IL12RB2: variants seen among roughly 807,000 people sequenced by gnomAD.
IL12RB2 encodes interleukin-12 receptor subunit beta-2.
IL12RB2 carries 82 observed loss-of-function variants against 89.4 expected under a neutral mutation model. The ratio of observed to expected loss-of-function variants is 0.92; its 90% CI spans 0.77 to 1.10. The LOEUF is 1.10. Among genes scored for constraint, IL12RB2 ranks in the 50% least tolerant of loss-of-function variants. The probability of loss-of-function intolerance (pLI) is 0.00; values close to 1 mark genes in which losing one functional copy is unlikely to be tolerated. For synonymous variants in IL12RB2, 368 were observed against 370.1 expected (o/e 0.99, Z 0.07); for missense variants, 963 against 1,031.9 (o/e 0.93, Z 0.92).
chr1:67,381,070 A>AC (rs931268456), intron 14 of IL12RB2, among the ~76,000 whole-genome samples: 2 of 152,154 alleles, frequency 1.3e-5, no homozygotes, highest in Admixed American at 6.5e-5. Context: ...GGTTATACCT[A>AC]CCCCATCCTA....
chr1:67,353,559 ACT>A (rs1431610001), intron 10 of IL12RB2, among the ~76,000 whole-genome samples: 1 of 152,098 alleles, frequency 6.6e-6, no homozygotes, highest in Non-Finnish European at 1.5e-5. Flanking sequence ...AAAAAGTGAG[ACT>A]CTGTCTCAAA....
intron 4 of IL12RB2, among the ~76,000 whole-genome samples, chr1:67,322,307 A>G (rs1006395751): frequency 1.3e-5 from 2 of 152,086 alleles, no homozygotes; most frequent in African/African-American, 4.8e-5. Context: ...ATCTAACTTA[A>G]TGCCTCCCAA....
At chr1:67,376,643 A>G (rs1664018746) in intron 13 of IL12RB2, among the ~76,000 whole-genome samples, 1 of 152,058 alleles carries the variant, frequency 6.6e-6, no homozygotes, top group Non-Finnish European at 1.5e-5. Context: ...TGCTGACACC[A>G]TCATCTTCCT....
rs770116361 is a variant in IL12RB2, at chr1:67,330,657, A to G, written c.808-3A>G. On this transcript the variant is annotated splice_region_variant and splice_polypyrimidine_tract_variant and intron_variant, in intron 7 of 16. Transcript: ENST00000674203. ...GGCACTTTAAAAAAATGTCTGTTTC[A>G]AGGTTAATGTTACAAAGGCCAAAGG... 1 of 1,468,686 alleles carries G rather than the reference A, an allele frequency of 6.8e-7. No individual in the cohort carries two copies. The highest frequency in any genetic ancestry group is 9.5e-7 in the Non-Finnish European group (1 of 1,047,794). 91.0% of individuals were successfully genotyped at this position (1,468,686 alleles called of 1,614,324 possible). A position where few individuals can be genotyped will look rare whatever the true frequency, so the allele number is the denominator to read the frequency against.
rs1663471116 is a variant in IL12RB2, at chr1:67,372,458, T to C, written c.1482T>C (p.Cys494=). ...CAGAGAACATAAAATCCTACATCTG[T>C]TATGAAATCCGTGTGTATGCACTCT... The part of the protein sequence containing the change: ...LISENIKSYI[C]YEIRVYALSG... The change falls in exon 12 of 17, where the codon TGT becomes TGC. Residue 494 remains cysteine, a synonymous_variant. Coordinates refer to ENST00000674203, the MANE Select transcript of IL12RB2 (RefSeq NM_001374259.2). 2 of 1,585,830 alleles carry C rather than the reference T, an allele frequency of 1.3e-6. No individual in the cohort carries two copies. Among genetic ancestry groups the C allele is most frequent in the South Asian group, 2.2e-5 (2 of 90,524 alleles).
At chr1:67,329,135 G>A (rs1495964) in intron 6 of IL12RB2, among the ~76,000 whole-genome samples, 69,050 of 152,006 alleles carry the variant, frequency 0.45, 19,343 homozygotes, top group South Asian at 0.6. Context: ...TTCATAGACC[G>A]TTCATCTCTA....
At chr1:67,352,492 T>C (rs1660955869) in intron 10 of IL12RB2, among the ~76,000 whole-genome samples, 3 of 152,194 alleles carry the variant, frequency 2.0e-5, no homozygotes, top group Admixed American at 2.0e-4. Flanking sequence ...GCTCAGCCCT[T>C]ACTTTTAAGG....
chr1:67,336,254 A>G (rs1434309188), intron 8 of IL12RB2, among the ~76,000 whole-genome samples: 1 of 152,182 alleles, frequency 6.6e-6, no homozygotes, highest in African/African-American at 2.4e-5. Context: ...TTTGTAAATC[A>G]TTTAACTTTT....
In IL12RB2 at chr1:67,326,718, G is replaced by C; in HGVS notation, c.365-17G>C. On this transcript the variant is annotated splice_polypyrimidine_tract_variant and intron_variant, in intron 4 of 16. Coordinates refer to ENST00000674203, the MANE Select transcript of IL12RB2 (RefSeq NM_001374259.2). The stretch of plus-strand genomic sequence containing the variant: ...TCACCTGTGTGATATATAAGGTTTT[G>C]TCTTTTCTTTTTAAAGTTGCTCCAG... 6.2e-7 allele frequency: 1 copy of C among 1,610,858 alleles called. No individual in the cohort carries two copies. The highest frequency in any genetic ancestry group is 8.5e-7 in the Non-Finnish European group (1 of 1,178,068).
At chr1:67,361,585 T>A (rs536728903) in intron 10 of IL12RB2, among the ~76,000 whole-genome samples, 2 of 152,098 alleles carry the variant, frequency 1.3e-5, no homozygotes, top group East Asian at 3.9e-4. Context: ...TGAAGATATG[T>A]CAATAGAAAC....
In IL12RB2 at chr1:67,350,967, G is replaced by T. The variant is rs781350679; in HGVS notation, c.1136G>T (p.Gly379Val). The part of the protein sequence containing the change: ...GGKAMTQNIT[G>V]HTSWTTVIPR... ...AAAGCCATGACACAGAACATCACAG[G>T]ACACACCTCCTGGACCACAGTCATT... Residue 379 changes from glycine (G) to valine (V), a missense_variant, in exon 10 of 17, where the codon GGA becomes GTA. Transcript: ENST00000674203. The T allele has an allele frequency of 6.2e-7, 1 of 1,614,142 alleles. No homozygotes were observed. Among genetic ancestry groups the T allele is most frequent in the East Asian group, 2.2e-5 (1 of 44,882 alleles).
At chr1:67,340,606 A>G (rs1020072991) in intron 9 of IL12RB2, among the ~76,000 whole-genome samples, 1 of 152,224 alleles carries the variant, frequency 6.6e-6, no homozygotes, top group African/African-American at 2.4e-5. Context: ...CACAAGGGCC[A>G]CCAGTGTAAA....
At chr1:67,361,641 C>T (rs1371001989) in intron 10 of IL12RB2, among the ~76,000 whole-genome samples, 8 of 151,942 alleles carry the variant, frequency 5.3e-5, no homozygotes, top group Non-Finnish European at 1.2e-4. Context: ...AAAAACATAA[C>T]AACATATACA....
intron 5 of IL12RB2, 98 bp downstream of exon 5, chr1:67,326,947 A>ATTTATTTG: frequency 1.5e-6 from 1 of 652,510 alleles, no homozygotes; most frequent in South Asian, 6.5e-5. Flanking sequence ...ATTTTATTTT[A>ATTTATTTG]TTTATTTATT....
chr1:67,356,648 C>T (rs1661427904), intron 10 of IL12RB2, among the ~76,000 whole-genome samples: 1 of 152,216 alleles, frequency 6.6e-6, no homozygotes, highest in South Asian at 2.1e-4. Flanking sequence ...TGCAGGGTCT[C>T]TGGCCTGGAG....
intron 14 of IL12RB2, among the ~76,000 whole-genome samples, chr1:67,384,398 T>C (rs1212499825): frequency 5.3e-5 from 8 of 152,178 alleles, no homozygotes; most frequent in Non-Finnish European, 1.2e-4. Flanking sequence ...GAGCACCAAG[T>C]CCCAAGGCTG....
intron 9 of IL12RB2, among the ~76,000 whole-genome samples, chr1:67,339,200 A>T (rs1659230466): frequency 6.6e-6 from 1 of 152,166 alleles, no homozygotes. Flanking sequence ...AAAATAATAC[A>T]AACAGGCCAG....
chr1:67,372,179 A>G (rs541993888), intron 11 of IL12RB2, among the ~76,000 whole-genome samples: 1 of 152,264 alleles, frequency 6.6e-6, no homozygotes, highest in South Asian at 2.1e-4. Context: ...TTATATGGAA[A>G]GAAACTCAGG....
chr1:67,346,468 C>A (rs1021285277), intron 9 of IL12RB2, among the ~76,000 whole-genome samples: 2 of 149,530 alleles, frequency 1.3e-5, no homozygotes. Flanking sequence ...CTCACTGCAA[C>A]CTCTGCCTCC....
Sources: allele counts gnomAD v4.1 joint callset (sites outside exome capture counted in the v4.1 genomes callset), GRCh38; gene constraint gnomAD v4.1.1; transcripts MANE v1.5; gene names NCBI Gene and HGNC (gene_info 2026-07-23, HGNC 2026-07-21).